Variants in HECW2 observed in about 807,000 individuals in gnomAD.
HECW2 encodes E3 ubiquitin-protein ligase HECW2.
A neutral mutation model predicts 175.2 loss-of-function variants in HECW2; 61 were observed. The ratio of observed to expected loss-of-function variants is 0.35; its 90% CI spans 0.28 to 0.43. The LOEUF (loss-of-function observed/expected upper bound fraction) is 0.43. HECW2 is among the 20% of genes least tolerant of loss of function. The pLI, the probability that HECW2 is intolerant of heterozygous loss-of-function variation, is 1.00. For synonymous variants in HECW2, 671 were observed against 731.0 expected, an observed-to-expected ratio of 0.92 and a Z score of 1.32; for missense variants, 1,524 against 2,000.5, an observed-to-expected ratio of 0.76 and a Z score of 4.54.
intron 28 of HECW2, among the ~76,000 whole-genome samples, chr2:196,210,452 T>C (rs1019216532): frequency 5.3e-5 from 8 of 152,112 alleles, no homozygotes; most frequent in African/African-American, 1.9e-4. Flanking sequence ...GCCTCCCAAG[T>C]ACCTGGGACT....
At chr2:196,449,481 T>C (rs1696283498) in intron 1 of HECW2, among the ~76,000 whole-genome samples, 1 of 152,222 alleles carries the variant, frequency 6.6e-6, no homozygotes, top group Non-Finnish European at 1.5e-5. Flanking sequence ...ATAAGTAAAA[T>C]TGCCGATTTC....
chr2:196,380,999 T>TG (rs911686218), intron 2 of HECW2, among the ~76,000 whole-genome samples: 2 of 152,136 alleles, frequency 1.3e-5, no homozygotes, highest in African/African-American at 4.8e-5. Flanking sequence ...AATGTGGTGG[T>TG]GGGGGTTCTC....
At chr2:196,241,989 A>T in intron 20 of HECW2, 95 bp downstream of exon 20, 1 of 1,123,352 alleles carries the variant, frequency 8.9e-7, no homozygotes, top group Non-Finnish European at 1.3e-6. Context: ...AATGAAGGCT[A>T]GTCATCCCAA....
intron 1 of HECW2, among the ~76,000 whole-genome samples, chr2:196,568,269 A>G (rs1033898016): frequency 2.6e-5 from 4 of 152,192 alleles, no homozygotes; most frequent in Non-Finnish European, 5.9e-5. Context: ...CTGTATTCCC[A>G]TTATATGAAA....
At chr2:196,511,141 T>A (rs181184703) in intron 1 of HECW2, among the ~76,000 whole-genome samples, 78 of 152,316 alleles carry the variant, frequency 5.1e-4, no homozygotes, top group Non-Finnish European at 7.1e-4. Flanking sequence ...AATTTTTGTA[T>A]TTTTAGCAAA....
rs1198289688 is a variant in HECW2, at chr2:196,319,744, G to A, written c.1146C>T (p.Pro382=). 11 of 1,614,152 alleles carry A rather than the reference G, an allele frequency of 6.8e-6. No homozygotes were observed. In the South Asian group the frequency reaches 9.9e-5, roughly 15 times the overall value. Residue 382 remains proline, a synonymous_variant, in exon 9 of 29, where the codon CCC becomes CCT. Coordinates refer to ENST00000644978, the MANE Select transcript of HECW2 (RefSeq NM_001348768.2). The stretch of plus-strand genomic sequence containing the variant: ...TGGAGCTAGTCCTGAATGAATGCTT[G>A]GGGGTTCCATCGGCAGCACTGTCCT... ...VSEDSAADGT[P]KHSFRTSSTL...
At chr2:196,361,984 G>C (rs1470143782) in intron 2 of HECW2, 23 of 985,250 alleles carry the variant, frequency 2.3e-5, no homozygotes, top group Non-Finnish European at 2.8e-5. Context: ...GGAGTTCTAA[G>C]GTGGCTGTGA....
At chr2:196,346,380 C>T (rs1397118791) in intron 2 of HECW2, among the ~76,000 whole-genome samples, 4 of 152,120 alleles carry the variant, frequency 2.6e-5, no homozygotes, top group Admixed American at 6.5e-5. Context: ...GATCCTGAGG[C>T]TCCTTTACAT....
chr2:196,356,708 TGAGA>T (rs1378007698), intron 2 of HECW2, among the ~76,000 whole-genome samples: 1 of 152,200 alleles, frequency 6.6e-6, no homozygotes, highest in East Asian at 1.9e-4. Context: ...GAAGCTATTT[TGAGA>T]GAGAGAGACC....
chr2:196,306,760 G>A (rs1691280885), intron 12 of HECW2, 148 bp from the exon 13 acceptor site: 3 of 782,808 alleles, frequency 3.8e-6, no homozygotes, highest in Admixed American at 3.6e-5. Flanking sequence ...TTTCTTTGCT[G>A]TAAATTCATA....
intron 1 of HECW2, among the ~76,000 whole-genome samples, chr2:196,445,753 A>C (rs912155597): frequency 1.3e-5 from 2 of 152,196 alleles, no homozygotes; most frequent in African/African-American, 4.8e-5. Context: ...GAAAGATATG[A>C]AGGCCATGAA....
At chr2:196,390,136 A>G (rs1266732134) in intron 2 of HECW2, among the ~76,000 whole-genome samples, 2 of 152,174 alleles carry the variant, frequency 1.3e-5, no homozygotes, top group African/African-American at 2.4e-5. Flanking sequence ...TTTTCCTGAC[A>G]ACTCCATGAG....
Position 196,403,568 on chromosome 2 carries a change from C to T in HECW2, c.292+29564G>A, listed in dbSNP as rs186491779. Among the ~76,000 whole-genome samples, 5 of 152,280 alleles carry T rather than the reference C, an allele frequency of 3.3e-5. No homozygotes were observed. In the East Asian group the frequency reaches 9.6e-4, roughly 29 times the overall value. On this transcript the variant is annotated intron_variant, in intron 2 of 28. Coordinates refer to ENST00000644978, the MANE Select transcript of HECW2 (RefSeq NM_001348768.2). ...GACTTGATTACAAAGTACTCAGTGG[C>T]TTACATTATTTATTTAAGAAGACTG...
At chr2:196,553,221 C>T (rs1285377287) in intron 1 of HECW2, among the ~76,000 whole-genome samples, 1 of 152,188 alleles carries the variant, frequency 6.6e-6, no homozygotes. Flanking sequence ...TTGAATTCCA[C>T]CCAACAGTAT....
chr2:196,450,642 T>C (rs915868765), intron 1 of HECW2, among the ~76,000 whole-genome samples: 3 of 152,034 alleles, frequency 2.0e-5, no homozygotes, highest in Non-Finnish European at 4.4e-5. Context: ...CCACCACGCC[T>C]GGGTAATTTT....
intron 1 of HECW2, among the ~76,000 whole-genome samples, chr2:196,441,381 AAC>A (rs35019279): frequency 1.3e-5 from 2 of 151,156 alleles, no homozygotes; most frequent in Admixed American, 1.3e-4. Flanking sequence ...CACACACACA[AAC>A]ACACACACAC....
intron 1 of HECW2, among the ~76,000 whole-genome samples, chr2:196,501,872 A>G (rs1687589132): frequency 6.6e-6 from 1 of 152,226 alleles, no homozygotes; most frequent in Admixed American, 6.5e-5. Flanking sequence ...CCTAAATAAA[A>G]GCAGTATATA....
chr2:196,317,511 C>T, intron 9 of HECW2, 142 bp from the exon 10 acceptor site: 1 of 654,970 alleles, frequency 1.5e-6, no homozygotes. Flanking sequence ...GACCTAGAAA[C>T]AAAAGAAGAG....
chr2:196,542,665 G>T (rs1199950264), intron 1 of HECW2, among the ~76,000 whole-genome samples: 2 of 151,464 alleles, frequency 1.3e-5, no homozygotes, highest in African/African-American at 4.9e-5. Context: ...TTCCTTCTAG[G>T]GGCAGTCCAT....
Sources: gnomAD v4.1 joint callset for allele counts (sites outside exome capture counted in the v4.1 genomes callset) on GRCh38, gnomAD v4.1.1 for gene constraint, MANE v1.5 for transcripts, NCBI Gene and HGNC (gene_info 2026-07-23, HGNC 2026-07-21) for gene names.